RGS12: variants seen among roughly 807,000 people sequenced by gnomAD.
RGS12 encodes the protein regulator of G-protein signaling 12.
Under a neutral mutation model 120.1 loss-of-function variants are expected in RGS12, and 66 were observed. That is an observed-to-expected ratio of 0.55 (90% confidence interval 0.45 to 0.67). The LOEUF (loss-of-function observed/expected upper bound fraction) is 0.67. RGS12 is among the 30% of genes least tolerant of loss of function. The pLI is 0.00. For synonymous variants in RGS12, 827 were observed against 804.7 expected (o/e 1.03, Z -0.47); for missense variants, 1,859 against 1,957.7 (o/e 0.95, Z 0.95).
chr4:3,303,904 T>A (rs1341271835), intron 1 of RGS12, among the ~76,000 whole-genome samples: 1 of 152,246 alleles, frequency 6.6e-6, no homozygotes, highest in African/African-American at 2.4e-5. Context: ...TAATTTCTTC[T>A]TTACCTCTTA....
At chr4:3,336,096 A>G (rs1712429040) in intron 2 of RGS12, among the ~76,000 whole-genome samples, 1 of 152,074 alleles carries the variant, frequency 6.6e-6, no homozygotes. Flanking sequence ...TGTCTCAACA[A>G]ACAAGCAGGC....
At chr4:3,414,497 C>T (rs576945990) in intron 5 of RGS12, 1 of 598,626 alleles carries the variant, frequency 1.7e-6, no homozygotes, top group East Asian at 2.8e-5. Context: ...CAGCCCGCAG[C>T]ACTGGAGCTT....
intron 2 of RGS12, among the ~76,000 whole-genome samples, chr4:3,329,068 G>A (rs758457391): frequency 2.0e-5 from 3 of 152,178 alleles, no homozygotes; most frequent in Non-Finnish European, 4.4e-5. Flanking sequence ...TGAGGGTTCC[G>A]ATGAAAGGCA....
At chr4:3,300,979 C>T (rs114163318) in intron 1 of RGS12, among the ~76,000 whole-genome samples, 1,811 of 152,320 alleles carry the variant, frequency 0.012, 36 homozygotes, top group African/African-American at 0.041. Context: ...TGAGGAGCCA[C>T]GTGAGGAGGT....
chr4:3,294,010 G>A (rs372215313), intron 1 of RGS12, among the ~76,000 whole-genome samples: 10 of 152,394 alleles, frequency 6.6e-5, no homozygotes, highest in African/African-American at 1.9e-4. Flanking sequence ...GCCCAGAGCC[G>A]TGGAGTGTGG....
In RGS12 at chr4:3,316,253, G is replaced by A; in HGVS notation, c.83G>A (p.Gly28Glu). The change falls in exon 2 of 18, where the codon GGG (glycine) becomes GAG (glutamate). Residue 28 changes from glycine (G) to glutamate (E), a missense_variant. By Grantham distance (98) the Gly-to-Glu change is moderately conservative (BLOSUM62 -2). Coordinates refer to ENST00000336727, the MANE Select transcript of RGS12 (RefSeq NM_001394154.1). ...PRVRSVEVAR[G>E]RAGYGFTLSG... ...GTGCGGAGTGTGGAGGTTGCCCGGG[G>A]GAGGGCCGGCTACGGATTCACGCTT... 6.2e-7 allele frequency: 1 copy of A among 1,613,624 alleles called. No homozygotes were observed. Among genetic ancestry groups the A allele is most frequent in the South Asian group, 1.1e-5 (1 of 91,042 alleles).
chr4:3,423,171 C>T (rs542938705), intron 12 of RGS12, among the ~76,000 whole-genome samples, 193 bp downstream of exon 12: 16 of 152,272 alleles, frequency 1.1e-4, no homozygotes, highest in African/African-American at 3.8e-4. Flanking sequence ...GAGAGGCGCC[C>T]TCTCCTCCCT....
rs1722386337 is a variant in RGS12, at chr4:3,416,241, G to A, written c.2427+120G>A. On this transcript the variant is annotated intron_variant, in intron 7 of 17. Transcript: ENST00000336727. The stretch of plus-strand genomic sequence containing the variant: ...TGGATCGAGAGCATCACAGACGCAG[G>A]TAGAGAAACGCAGACAGAAAGTGGG... 3.5e-6 allele frequency: 4 copies of A among 1,154,928 alleles called. 1 individual carries two copies. Among genetic ancestry groups the A allele is most frequent in the South Asian group, 3.2e-5 (2 of 62,798 alleles). 71.5% of individuals were successfully genotyped at this position (1,154,928 alleles called of 1,614,324 possible).
chr4:3,439,418 G>T, intron 17 of RGS12, 37 bp from the exon 18 acceptor site: 1 of 1,609,878 alleles, frequency 6.2e-7, no homozygotes, highest in South Asian at 1.1e-5. Context: ...CCAGGGCCGG[G>T]CCAGGCAAGT....
At chr4:3,381,091 C>T (rs560517141) in intron 3 of RGS12, among the ~76,000 whole-genome samples, 19 of 152,296 alleles carry the variant, frequency 1.2e-4, no homozygotes, top group African/African-American at 3.1e-4. Flanking sequence ...TTCAAAGTTC[C>T]GCAGATATCT....
At chr4:3,293,127 G>A (rs1195172604) in intron 1 of RGS12, 28 bp downstream of exon 1, 1 of 146,440 alleles carries the variant, frequency 6.8e-6, no homozygotes, top group African/African-American at 2.5e-5. Flanking sequence ...GGGCCGGGGC[G>A]GGGGCAGGGC....
In RGS12 at chr4:3,389,361, A is replaced by C. The variant is rs1393582019; in HGVS notation, c.2020+2924A>C. Among the ~76,000 whole-genome samples the C allele has an allele frequency of 6.6e-6, 1 of 152,146 alleles. No individual in the cohort carries two copies. The highest frequency in any genetic ancestry group is 1.9e-4 in the East Asian group (1 of 5,186). On this transcript the variant is annotated intron_variant, in intron 4 of 17. Coordinates refer to ENST00000336727, the MANE Select transcript of RGS12 (RefSeq NM_001394154.1). This position sits in a 1 kb window ranked among gnomAD's most constrained non-coding sequence, Gnocchi z 5.2. ...TGGAGAGAAGGAAGCACATTCTAGC[A>C]TTATAGAGAGGCTTAGCAGGGGAAT...
chr4:3,350,824 CTA>C (rs1248224638), intron 3 of RGS12, among the ~76,000 whole-genome samples: 2 of 152,150 alleles, frequency 1.3e-5, no homozygotes, highest in African/African-American at 4.8e-5. Flanking sequence ...TTCTGGCTAA[CTA>C]TGTCAGATTT....
At position 3,428,549 on chromosome 4, in the gene RGS12, C is replaced by T. The variant is rs1560176856; in HGVS notation, c.3412-9C>T. On this transcript the variant is annotated splice_polypyrimidine_tract_variant and intron_variant, in intron 15 of 17. Transcript: ENST00000336727. ...TGAAAGTAGAACTTTGACTTTCCTT[C>T]TAATGCAGGGAGAGGAAAGAACACT... is the stretch of plus-strand genomic sequence containing the variant. The T allele has an allele frequency of 1.9e-6, 3 of 1,569,800 alleles. No individual in the cohort carries two copies. Among genetic ancestry groups the T allele is most frequent in the South Asian group, 2.4e-5 (2 of 84,092 alleles).
chr4:3,435,605 G>C (rs1724731349), intron 17 of RGS12, among the ~76,000 whole-genome samples: 2 of 150,710 alleles, frequency 1.3e-5, no homozygotes, highest in Admixed American at 1.3e-4. Context: ...GCATCTCCTG[G>C]CTCCTGCCCA....
chr4:3,416,127 C>A lies in RGS12; in HGVS notation c.2427+6C>A. On this transcript the variant is annotated splice_donor_region_variant and intron_variant, in intron 7 of 17. Coordinates refer to ENST00000336727, the MANE Select transcript of RGS12 (RefSeq NM_001394154.1). ...TCAAGGAGCAGCAGCTGCAGGTAACCGCAGGCTGTGGGAGCTTGTGGGGAG... is the reference window on the plus strand; with the variant it reads ...TCAAGGAGCAGCAGCTGCAGGTAACAGCAGGCTGTGGGAGCTTGTGGGGAG... 6.2e-7 allele frequency: 1 copy of A among 1,613,860 alleles called. No individual in the cohort carries two copies. The highest frequency in any genetic ancestry group is 8.5e-7 in the Non-Finnish European group (1 of 1,179,936).
At chr4:3,355,966 A>G (rs1714852381) in intron 3 of RGS12, among the ~76,000 whole-genome samples, 1 of 152,070 alleles carries the variant, frequency 6.6e-6, no homozygotes, top group Non-Finnish European at 1.5e-5. Context: ...TGCAGTTTTA[A>G]TCAAAATGCC....
At chr4:3,326,435 G>C (rs753519241) in intron 2 of RGS12, among the ~76,000 whole-genome samples, 9 of 152,096 alleles carry the variant, frequency 5.9e-5, no homozygotes, top group Non-Finnish European at 1.0e-4. Flanking sequence ...TTTTGTAGAG[G>C]TGGAGTCTCA....
chr4:3,417,126 G>T, intron 8 of RGS12, 34 bp downstream of exon 8: 1 of 1,552,490 alleles, frequency 6.4e-7, no homozygotes. Context: ...ACGCCCCTGT[G>T]GGTTGTGTGT....
Sources: allele counts gnomAD v4.1 joint callset (sites outside exome capture counted in the v4.1 genomes callset), GRCh38; gene constraint gnomAD v4.1.1; non-coding constraint Gnocchi (gnomAD v3.1); transcripts MANE v1.5; gene names NCBI Gene and HGNC (gene_info 2026-07-23, HGNC 2026-07-21).